CLSTN2: variants seen among roughly 807,000 people sequenced by gnomAD.
CLSTN2 encodes calsyntenin-2.
CLSTN2 carries 48 observed loss-of-function variants against 101.2 expected under a neutral mutation model. That is an observed-to-expected ratio of 0.47 (90% CI 0.38 to 0.60). The LOEUF is 0.60. Ranked by LOEUF, CLSTN2 falls within the 20% of genes least tolerant of loss-of-function variation. The pLI is 0.00. For missense variants in CLSTN2, 1,160 were observed against 1,238.2 expected, an observed-to-expected ratio of 0.94 and a Z score of 0.95; for synonymous variants, 481 against 463.6, an observed-to-expected ratio of 1.04 and a Z score of -0.48.
At chr3:139,938,603 A>G (rs540914198) in intron 1 of CLSTN2, among the ~76,000 whole-genome samples, 129 of 152,362 alleles carry the variant, frequency 8.5e-4, no homozygotes, top group African/African-American at 2.7e-3. Context: ...CTCATGTTCT[A>G]TGAGTAAAGC....
At chr3:140,045,247 G>A (rs1209240042) in intron 1 of CLSTN2, among the ~76,000 whole-genome samples, 1 of 152,108 alleles carries the variant, frequency 6.6e-6, no homozygotes, top group Non-Finnish European at 1.5e-5. Flanking sequence ...GTTCTTCCTG[G>A]TTTAGTCTTG....
At chr3:140,239,853 G>T (rs1287763204) in intron 2 of CLSTN2, among the ~76,000 whole-genome samples, 2 of 151,754 alleles carry the variant, frequency 1.3e-5, no homozygotes, top group Middle Eastern at 3.4e-3. Context: ...TATACATTAT[G>T]TATGTATGTA....
At chr3:140,115,718 T>C (rs2009230106) in intron 1 of CLSTN2, among the ~76,000 whole-genome samples, 1 of 152,220 alleles carries the variant, frequency 6.6e-6, no homozygotes, top group Admixed American at 6.5e-5. Flanking sequence ...CAAAATGTCA[T>C]GCCCCAAGAG....
In CLSTN2 at chr3:140,375,212, G is replaced by A. The variant is rs139722602; in HGVS notation, c.233-28417G>A. On this transcript the variant is annotated intron_variant, in intron 2 of 16. Transcript: ENST00000458420. ...CTGACTCAGTTTTCACTGAAAATGT[G>A]AGTCATGCTTTCATTCTGGTACATT... is the stretch of plus-strand genomic sequence containing the variant. Among the ~76,000 whole-genome samples, 278 of 152,326 alleles carry A rather than the reference G, an allele frequency of 1.8e-3. 1 individual carries two copies. Among genetic ancestry groups the A allele is most frequent in the African/African-American group, 6.5e-3 (270 of 41,576 alleles).
At chr3:140,279,091 C>A (rs1002695445) in intron 2 of CLSTN2, among the ~76,000 whole-genome samples, 3 of 152,210 alleles carry the variant, frequency 2.0e-5, no homozygotes, top group African/African-American at 7.2e-5. Context: ...TAGAATCATG[C>A]AGCAAGTATA....
intron 1 of CLSTN2, among the ~76,000 whole-genome samples, chr3:140,049,416 T>C (rs1161612880): frequency 6.6e-6 from 1 of 152,208 alleles, no homozygotes; most frequent in Non-Finnish European, 1.5e-5. Flanking sequence ...TTAGAAATAT[T>C]ATTTCCGGAA....
At chr3:140,193,261 G>GTTTTTTTTTT (rs367933711) in intron 2 of CLSTN2, among the ~76,000 whole-genome samples, 10 of 87,394 alleles carry the variant, frequency 1.1e-4, no homozygotes, top group African/African-American at 2.2e-4. Context: ...CTTTTTTATA[G>GTTTTTTTTTT]TTTTTTTTTT....
intron 2 of CLSTN2, among the ~76,000 whole-genome samples, chr3:140,333,825 A>G (rs2087413051): frequency 6.6e-6 from 1 of 152,168 alleles, no homozygotes; most frequent in Non-Finnish European, 1.5e-5. Context: ...AACAGATTCT[A>G]TAGAAAGTTG....
intron 2 of CLSTN2, among the ~76,000 whole-genome samples, chr3:140,278,185 CAT>C (rs373701178): frequency 2.3e-4 from 35 of 152,312 alleles, no homozygotes; most frequent in African/African-American, 8.2e-4. Context: ...TACAGTAAGT[CAT>C]AGTTGCCTGG....
chr3:140,450,708 A>G (rs1026289043), intron 6 of CLSTN2, among the ~76,000 whole-genome samples: 1 of 152,050 alleles, frequency 6.6e-6, no homozygotes, highest in Non-Finnish European at 1.5e-5. Flanking sequence ...ACTTTCACAC[A>G]TACGTACACA....
chr3:140,151,567 T>C (rs2009865921), intron 1 of CLSTN2, among the ~76,000 whole-genome samples: 1 of 152,072 alleles, frequency 6.6e-6, no homozygotes, highest in African/African-American at 2.4e-5. Context: ...ATCTGGTCTG[T>C]GTTTTAAAGA....
At chr3:140,334,934 G>T (rs572656211) in intron 2 of CLSTN2, among the ~76,000 whole-genome samples, 10 of 152,312 alleles carry the variant, frequency 6.6e-5, no homozygotes, top group Admixed American at 3.9e-4. Context: ...GTTACCATTT[G>T]TTGCTCCCTC....
intron 1 of CLSTN2, among the ~76,000 whole-genome samples, chr3:139,957,278 C>T (rs998001063): frequency 2.0e-5 from 3 of 152,100 alleles, no homozygotes; most frequent in Non-Finnish European, 2.9e-5. Flanking sequence ...CTCCAGGCAG[C>T]ACCACTTACT....
intron 1 of CLSTN2, among the ~76,000 whole-genome samples, chr3:140,038,132 A>G (rs2007694760): frequency 6.6e-6 from 1 of 152,212 alleles, no homozygotes; most frequent in Non-Finnish European, 1.5e-5. Context: ...ACTGTCCTCC[A>G]CAATGGTTGA....
intron 5 of CLSTN2, among the ~76,000 whole-genome samples, chr3:140,424,082 T>C (rs1013197403): frequency 3.9e-5 from 6 of 152,228 alleles, no homozygotes; most frequent in African/African-American, 1.4e-4. Flanking sequence ...TTGAGTGTTA[T>C]TCCCAACAGC....
chr3:140,518,473 A>G (rs2030208088), intron 8 of CLSTN2, among the ~76,000 whole-genome samples: 1 of 152,186 alleles, frequency 6.6e-6, no homozygotes, highest in African/African-American at 2.4e-5. Context: ...GAGAGCCCCC[A>G]GGGCTCTTCC....
intron 2 of CLSTN2, among the ~76,000 whole-genome samples, chr3:140,396,164 T>G (rs1292056620): frequency 1.3e-5 from 2 of 152,126 alleles, no homozygotes; most frequent in African/African-American, 2.4e-5. Context: ...TCCCCATCAC[T>G]GCGATGAGCA....
intron 1 of CLSTN2, among the ~76,000 whole-genome samples, chr3:140,138,290 A>T (rs1456053239): frequency 6.6e-6 from 1 of 152,214 alleles, no homozygotes; most frequent in Non-Finnish European, 1.5e-5. Context: ...AAGGGGGGGA[A>T]GAACAACTTT....
intron 2 of CLSTN2, among the ~76,000 whole-genome samples, chr3:140,322,626 C>T (rs1392746209): frequency 6.6e-6 from 1 of 152,164 alleles, no homozygotes; most frequent in African/African-American, 2.4e-5. Context: ...AACACATTAA[C>T]AGAAAGATTT....
Sources: allele counts gnomAD v4.1 joint callset (sites outside exome capture counted in the v4.1 genomes callset), GRCh38; gene constraint gnomAD v4.1.1; transcripts MANE v1.5; gene names NCBI Gene and HGNC (gene_info 2026-07-23, HGNC 2026-07-21).